The following ANKS1A variants were observed in gnomAD, a reference collection of about 807,000 sequenced individuals.
ANKS1A encodes the protein ankyrin repeat and SAM domain-containing protein 1A.
A neutral mutation model predicts 120.3 loss-of-function variants in ANKS1A; 55 were observed. The ratio of observed to expected loss-of-function variants is 0.46; its 90% confidence interval spans 0.37 to 0.57. The LOEUF (loss-of-function observed/expected upper bound fraction) is 0.57, where lower values mean the gene tolerates loss of function less well. Ranked by LOEUF, ANKS1A falls within the 20% of genes least tolerant of loss-of-function variation. The probability of loss-of-function intolerance (pLI) is 0.00; values close to 1 mark genes in which losing one functional copy is unlikely to be tolerated. For synonymous variants in ANKS1A, 590 were observed against 604.7 expected (o/e 0.98, Z 0.36); for missense variants, 1,123 against 1,480.3 (o/e 0.76, Z 3.96).
intron 11 of ANKS1A, among the ~76,000 whole-genome samples, chr6:35,019,186 G>A (rs1322624642): frequency 6.6e-6 from 1 of 152,208 alleles, no homozygotes; most frequent in African/African-American, 2.4e-5. Flanking sequence ...CCATGGGAAT[G>A]TTAAAGTACC....
At chr6:34,929,145 C>G (rs1198003416) in intron 1 of ANKS1A, among the ~76,000 whole-genome samples, 1 of 152,184 alleles carries the variant, frequency 6.6e-6, no homozygotes, top group African/African-American at 2.4e-5. Context: ...AAAGGCTTTA[C>G]TATAAAGCAC....
chr6:35,053,739 A>C (rs1454149251), intron 11 of ANKS1A, among the ~76,000 whole-genome samples: 1 of 152,226 alleles, frequency 6.6e-6, no homozygotes, highest in Non-Finnish European at 1.5e-5. Flanking sequence ...GTGAGCAATG[A>C]GATGGCCAGG....
chr6:34,982,650 GT>G lies in ANKS1A; in HGVS notation c.733-98del, dbSNP rs1771961734. 1 of 1,192,488 alleles carries G rather than the reference GT, an allele frequency of 8.4e-7. No homozygotes were observed. The highest frequency in any genetic ancestry group is 1.2e-6 in the Non-Finnish European group (1 of 805,008). 73.9% of individuals were successfully genotyped at this position (1,192,488 alleles called of 1,614,324 possible). ...AATGACAGAGGGCTTTGTGTAGTTT[GT>G]TTTATTTTGTGTCCCTTCTTGTCTG... On this transcript the variant is annotated intron_variant, in intron 4 of 23. Transcript: ENST00000360359. This position sits in a 1 kb window ranked among gnomAD's most constrained non-coding sequence, Gnocchi z 4.9.
chr6:35,017,712 T>G lies in ANKS1A; in HGVS notation c.1663T>G (p.Ser555Ala). Reference protein sequence around the residue: ...EETGVHAPGASQPSALDQSKR... With the variant: ...EETGVHAPGAAQPSALDQSKR... ...GACGGGTGTGCATGCTCCTGGAGCCTCCCAGCCCAGTGCCCTGGACCAGAG... is the reference window on the plus strand; with the variant it reads ...GACGGGTGTGCATGCTCCTGGAGCCGCCCAGCCCAGTGCCCTGGACCAGAG... The change falls in exon 11 of 24, where the codon TCC becomes GCC. Residue 555 changes from serine (S) to alanine (A), a missense_variant. Transcript: ENST00000360359. 1.2e-6 allele frequency: 2 copies of G among 1,613,906 alleles called. No homozygotes were observed. The highest frequency in any genetic ancestry group is 1.7e-6 in the Non-Finnish European group (2 of 1,180,012).
chr6:35,039,089 T>G (rs868239784), intron 11 of ANKS1A, among the ~76,000 whole-genome samples: 1,038 of 41,260 alleles, frequency 0.025, 6 homozygotes, highest in Middle Eastern at 0.065. Flanking sequence ...TGTGTGTGTG[T>G]GTGGGGGGGG....
rs139260669 is a variant in ANKS1A at position 35,080,547 on chromosome 6, G to C, written c.2545-447G>C. Among the ~76,000 whole-genome samples the C allele has an allele frequency of 3.8e-3, 582 of 152,286 alleles. 1 individual carries two copies. The highest frequency in any genetic ancestry group is 0.016 in the South Asian group (76 of 4,826). Reference sequence around the variant, plus strand: ...TCAGGGGCTTCGTGAAGTGGGTCCTGTTCATCCTCCTTTTACAGATGAGAA... The same window carrying C: ...TCAGGGGCTTCGTGAAGTGGGTCCTCTTCATCCTCCTTTTACAGATGAGAA... On this transcript the variant is annotated intron_variant, in intron 16 of 23. Coordinates refer to ENST00000360359, the MANE Select transcript of ANKS1A (RefSeq NM_015245.3).
At chr6:34,905,556 A>C (rs1320579763) in intron 1 of ANKS1A, among the ~76,000 whole-genome samples, 1 of 152,214 alleles carries the variant, frequency 6.6e-6, no homozygotes, top group Non-Finnish European at 1.5e-5. Flanking sequence ...TACCTTCACA[A>C]CATGCCTGCA....
At chr6:34,985,818 A>G (rs1772168009) in intron 8 of ANKS1A, among the ~76,000 whole-genome samples, 1 of 152,222 alleles carries the variant, frequency 6.6e-6, no homozygotes, top group Non-Finnish European at 1.5e-5. Context: ...TTATCTAATT[A>G]TAATGCCTCC....
At chr6:34,931,522 C>T (rs1472635992) in intron 1 of ANKS1A, among the ~76,000 whole-genome samples, 4 of 152,112 alleles carry the variant, frequency 2.6e-5, no homozygotes, top group African/African-American at 9.7e-5. Flanking sequence ...TTTATTTTTG[C>T]ATAGAGGACC....
chr6:35,004,616 G>C (rs914102103), intron 10 of ANKS1A, among the ~76,000 whole-genome samples: 2 of 151,862 alleles, frequency 1.3e-5, no homozygotes, highest in Non-Finnish European at 2.9e-5. Flanking sequence ...TGCTAGAGGT[G>C]ATCATTTGAA....
chr6:35,053,171 G>A (rs943928443), intron 11 of ANKS1A, among the ~76,000 whole-genome samples: 2 of 152,220 alleles, frequency 1.3e-5, no homozygotes, highest in African/African-American at 2.4e-5. Context: ...GGTACAAAAG[G>A]TCCTCTTTTC....
chr6:35,081,261 G>A, intron 17 of ANKS1A, 103 bp downstream of exon 17: 1 of 1,407,060 alleles, frequency 7.1e-7, no homozygotes, highest in Non-Finnish European at 9.4e-7. Context: ...AGCACAGTTG[G>A]GCTGGCACCA....
chr6:34,906,609 G>T (rs534718147), intron 1 of ANKS1A, among the ~76,000 whole-genome samples: 1 of 152,142 alleles, frequency 6.6e-6, no homozygotes, highest in Non-Finnish European at 1.5e-5. Flanking sequence ...ATAAATGTAG[G>T]AATAATGAGG....
intron 11 of ANKS1A, among the ~76,000 whole-genome samples, chr6:35,037,824 A>C (rs1259193832): frequency 6.6e-6 from 1 of 152,188 alleles, no homozygotes; most frequent in Non-Finnish European, 1.5e-5. Context: ...CATTAGTGGC[A>C]CAGGAAGGGT....
rs1438390286 is a variant in ANKS1A, at chr6:35,086,990, T to C, written c.3342T>C (p.His1114=). ...PPDMDQDAQS[H]ASVSWVVDPK... is the part of the protein sequence containing the mutation. ...ATATGGACCAAGATGCCCAATCCCA[T>C]GCCAGTGTCTCCTGGGTTGTGGACC... The change falls in exon 23 of 24, where the codon CAT becomes CAC. Residue 1114 remains histidine (H), a synonymous_variant. Transcript: ENST00000360359. This position sits in a 1 kb window ranked among gnomAD's most constrained non-coding sequence, Gnocchi z 5.1. 6.2e-7 allele frequency: 1 copy of C among 1,614,182 alleles called. No individual in the cohort carries two copies. Among genetic ancestry groups the C allele is most frequent in the South Asian group, 1.1e-5 (1 of 91,082 alleles).
intron 1 of ANKS1A, among the ~76,000 whole-genome samples, chr6:34,954,322 G>A (rs548227253): frequency 2.6e-4 from 39 of 152,088 alleles, no homozygotes; most frequent in South Asian, 6.2e-4. Context: ...CAAACAATTC[G>A]TCATTGCTCT....
At chr6:34,990,021 A>T (rs1000952262) in intron 9 of ANKS1A, among the ~76,000 whole-genome samples, 1 of 152,262 alleles carries the variant, frequency 6.6e-6, no homozygotes, top group Non-Finnish European at 1.5e-5. Context: ...AAAATATTAC[A>T]TAATTTTATT....
chr6:34,990,956 A>T (rs1028286794), intron 9 of ANKS1A, among the ~76,000 whole-genome samples: 2 of 152,180 alleles, frequency 1.3e-5, no homozygotes, highest in Non-Finnish European at 2.9e-5. Context: ...CATATGCTGT[A>T]GTTTGTAGTC....
At chr6:34,930,446 G>C (rs1035529439) in intron 1 of ANKS1A, among the ~76,000 whole-genome samples, 4 of 152,160 alleles carry the variant, frequency 2.6e-5, no homozygotes, top group Non-Finnish European at 5.9e-5. Context: ...GTTCAGACTC[G>C]GCCCTGTTGC....
Sources: allele counts gnomAD v4.1 joint callset (sites outside exome capture counted in the v4.1 genomes callset), GRCh38; gene constraint gnomAD v4.1.1; non-coding constraint Gnocchi (gnomAD v3.1); transcripts MANE v1.5; gene names NCBI Gene and HGNC (gene_info 2026-07-23, HGNC 2026-07-21).